CSMD3: variants seen among roughly 807,000 people sequenced by gnomAD.
CSMD3 encodes CUB and sushi domain-containing protein 3.
Under a neutral mutation model 435.2 loss-of-function variants are expected in CSMD3, and 177 were observed. That is an observed-to-expected ratio of 0.41 (90% confidence interval 0.36 to 0.46). The LOEUF (loss-of-function observed/expected upper bound fraction) is 0.46, where lower values mean the gene tolerates loss of function less well. Among genes scored for constraint, CSMD3 ranks in the 20% least tolerant of loss-of-function variants. The pLI is 0.34. For synonymous variants in CSMD3, 1,656 were observed against 1,520.5 expected, an observed-to-expected ratio of 1.09 and a Z score of -2.07; for missense variants, 4,265 against 4,504.6, an observed-to-expected ratio of 0.95 and a Z score of 1.52.
At chr8:112,547,319 G>A (rs1827266915) in intron 27 of CSMD3, among the ~76,000 whole-genome samples, 1 of 151,918 alleles carries the variant, frequency 6.6e-6, no homozygotes, top group South Asian at 2.1e-4. Context: ...TATATTTGGG[G>A]GCGCAAAGGC....
At chr8:112,298,066 C>CAAAAAAAAAAAAAAAAAAAAAAAA (rs35232021) in intron 53 of CSMD3, among the ~76,000 whole-genome samples, 1 of 93,588 alleles carries the variant, frequency 1.1e-5, no homozygotes, top group Non-Finnish European at 2.2e-5. Context: ...TGCCATTGCA[C>CAAAAAAAAAAAAAAAAAAAAAAAA]AAAAAAAAAA....
intron 3 of CSMD3, among the ~76,000 whole-genome samples, chr8:113,189,974 CT>C (rs1173694236): frequency 6.6e-6 from 1 of 151,550 alleles, no homozygotes; most frequent in Non-Finnish European, 1.5e-5. Context: ...AATATGTATT[CT>C]TTTATTTTGC....
At chr8:113,001,034 T>C (rs542597668) in intron 6 of CSMD3, among the ~76,000 whole-genome samples, 53 of 152,174 alleles carry the variant, frequency 3.5e-4, no homozygotes, top group African/African-American at 1.2e-3. Flanking sequence ...TTTTTGGTCA[T>C]AGCAACATTC....
chr8:112,842,706 C>T (rs2080214679), intron 11 of CSMD3, among the ~76,000 whole-genome samples: 1 of 151,716 alleles, frequency 6.6e-6, no homozygotes, highest in African/African-American at 2.4e-5. Context: ...TATTTATATA[C>T]AACTAGGTAC....
intron 38 of CSMD3, among the ~76,000 whole-genome samples, chr8:112,371,241 TCTC>T (rs1311933451): frequency 6.6e-6 from 1 of 152,136 alleles, no homozygotes; most frequent in African/African-American, 2.4e-5. Context: ...TCCTTGCTGG[TCTC>T]CTTCTCTTTT....
At chr8:113,208,292 G>A (rs1180260690) in intron 3 of CSMD3, among the ~76,000 whole-genome samples, 2 of 152,072 alleles carry the variant, frequency 1.3e-5, no homozygotes, top group East Asian at 1.9e-4. Context: ...CAGAGAATCA[G>A]ACTTTCTGGA....
At chr8:112,291,774 A>G in intron 55 of CSMD3, 79 bp from the exon 56 acceptor site, 1 of 901,660 alleles carries the variant, frequency 1.1e-6, no homozygotes, top group South Asian at 1.5e-5. Flanking sequence ...AGAAATGTAC[A>G]TACTTAGTTT....
chr8:112,405,246 T>TATATATATATACACAC (rs1199452249), intron 35 of CSMD3, among the ~76,000 whole-genome samples: 6 of 81,534 alleles, frequency 7.4e-5, no homozygotes, highest in African/African-American at 3.2e-4. Context: ...TATATATATA[T>TATATATATATACACAC]ACATATATAT....
At chr8:112,580,483 G>T (rs552978826) in intron 23 of CSMD3, among the ~76,000 whole-genome samples, 1 of 151,382 alleles carries the variant, frequency 6.6e-6, no homozygotes, top group South Asian at 2.1e-4. Context: ...ACATGTACCT[G>T]GCTTTCTATC....
chr8:112,976,951 G>T (rs1489127613), intron 6 of CSMD3, among the ~76,000 whole-genome samples: 2 of 151,940 alleles, frequency 1.3e-5, no homozygotes, highest in Non-Finnish European at 2.9e-5. Flanking sequence ...AAGCATTTCA[G>T]AGTGTGTATA....
intron 5 of CSMD3, among the ~76,000 whole-genome samples, chr8:113,042,119 C>T (rs1050120264): frequency 6.6e-6 from 1 of 152,098 alleles, no homozygotes; most frequent in Non-Finnish European, 1.5e-5. Flanking sequence ...GAAACACTAG[C>T]TTCATTTTGT....
intron 5 of CSMD3, among the ~76,000 whole-genome samples, chr8:113,088,575 C>T (rs1469502269): frequency 6.6e-6 from 1 of 151,508 alleles, no homozygotes; most frequent in Non-Finnish European, 1.5e-5. Context: ...ATGGATGAAG[C>T]TGGAAATCAT....
At chr8:112,865,604 C>T (rs2080955206) in intron 10 of CSMD3, among the ~76,000 whole-genome samples, 1 of 151,652 alleles carries the variant, frequency 6.6e-6, no homozygotes, top group African/African-American at 2.4e-5. Flanking sequence ...GCATAAGTTT[C>T]TACTCAAACA....
At chr8:113,153,120 A>G (rs1189852254) in intron 4 of CSMD3, among the ~76,000 whole-genome samples, 9 of 117,086 alleles carry the variant, frequency 7.7e-5, no homozygotes, top group East Asian at 4.7e-4. Flanking sequence ...AAAGAAAGAA[A>G]GAAAGAGAAA....
chr8:112,510,677 A>G (rs1823025567), intron 28 of CSMD3, among the ~76,000 whole-genome samples: 1 of 151,942 alleles, frequency 6.6e-6, no homozygotes, highest in Admixed American at 6.6e-5. Context: ...CTAATATGTA[A>G]TATTAACCCT....
chr8:113,003,567 T>G (rs2085945384), intron 6 of CSMD3, among the ~76,000 whole-genome samples: 1 of 152,012 alleles, frequency 6.6e-6, no homozygotes, highest in South Asian at 2.1e-4. Context: ...TATTTTATGG[T>G]TTAATAGAAA....
At chr8:113,022,033 C>T (rs2086701130) in intron 5 of CSMD3, among the ~76,000 whole-genome samples, 1 of 152,108 alleles carries the variant, frequency 6.6e-6, no homozygotes, top group South Asian at 2.1e-4. Flanking sequence ...ATCACAGTCA[C>T]TGAATAATGT....
At chr8:113,156,292 T>C (rs572201410) in intron 4 of CSMD3, among the ~76,000 whole-genome samples, 34 of 152,204 alleles carry the variant, frequency 2.2e-4, no homozygotes, top group African/African-American at 8.2e-4. Flanking sequence ...GCTATGATCA[T>C]ATGGAATAAC....
intron 22 of CSMD3, among the ~76,000 whole-genome samples, chr8:112,618,983 T>C (rs2131505471): frequency 6.6e-6 from 1 of 152,224 alleles, no homozygotes; most frequent in African/African-American, 2.4e-5. Flanking sequence ...TGCATGACAT[T>C]TTACTTAAAC....
Sources: allele counts gnomAD v4.1 joint callset (sites outside exome capture counted in the v4.1 genomes callset), GRCh38; gene constraint gnomAD v4.1.1; transcripts MANE v1.5; gene names NCBI Gene and HGNC (gene_info 2026-07-23, HGNC 2026-07-21).